The following LRPPRC variants were observed in gnomAD, a reference collection of about 807,000 sequenced individuals.
LRPPRC encodes leucine-rich PPR motif-containing protein, mitochondrial.
Under a neutral mutation model 180.3 loss-of-function variants are expected in LRPPRC, and 120 were observed. The observed-to-expected ratio is 0.67, with a 90% CI of 0.57 to 0.77. The LOEUF is 0.77. Ranked by LOEUF, LRPPRC falls within the 30% of genes least tolerant of loss-of-function variation. LRPPRC has a pLI of 0.00. For synonymous variants in LRPPRC, 723 were observed against 600.0 expected, an observed-to-expected ratio of 1.21 and a Z score of -3.00; for missense variants, 2,012 against 1,657.2, an observed-to-expected ratio of 1.21 and a Z score of -3.72.
At chr2:43,915,228 TCTCTCA>T (rs1306083799) in intron 29 of LRPPRC, among the ~76,000 whole-genome samples, 68 of 63,312 alleles carry the variant, frequency 1.1e-3, no homozygotes, top group East Asian at 5.1e-3. Context: ...TCTCTCTCTC[TCTCTCA>T]CACACACACA....
intron 11 of LRPPRC, among the ~76,000 whole-genome samples, chr2:43,967,042 ATAAC>A (rs1339499381): frequency 2.0e-5 from 3 of 152,042 alleles, no homozygotes; most frequent in Admixed American, 2.0e-4. Context: ...CAGAGCCTCC[ATAAC>A]TAGCTGAGGT....
chr2:43,988,887 TG>T (rs1306143797), intron 1 of LRPPRC, among the ~76,000 whole-genome samples: 1 of 152,138 alleles, frequency 6.6e-6, no homozygotes, highest in Non-Finnish European at 1.5e-5. Flanking sequence ...ATCTTTTTTT[TG>T]AGACAGGGTC....
At chr2:43,913,660 A>C (rs975280462) in intron 29 of LRPPRC, among the ~76,000 whole-genome samples, 2 of 152,196 alleles carry the variant, frequency 1.3e-5, no homozygotes, top group East Asian at 3.8e-4. Flanking sequence ...TAAGGAGAAC[A>C]GTTTGGGCAA....
chr2:43,940,450 T>G (rs1454226218), intron 23 of LRPPRC, among the ~76,000 whole-genome samples: 1 of 152,226 alleles, frequency 6.6e-6, no homozygotes, highest in Non-Finnish European at 1.5e-5. Context: ...ATTGTGACCT[T>G]TATGAACTCA....
chr2:43,930,007 C>CT (rs1672028282), intron 25 of LRPPRC, among the ~76,000 whole-genome samples: 1 of 152,060 alleles, frequency 6.6e-6, no homozygotes, highest in Non-Finnish European at 1.5e-5. Context: ...AATCCACTGT[C>CT]TGTGTATACG....
At position 43,886,734 on chromosome 2, in the gene LRPPRC, C is replaced by G. The variant is rs1476271771; in HGVS notation, c.*1866G>C. The G allele has an allele frequency of 6.6e-6, 1 of 152,158 alleles. No individual in the cohort carries two copies. Among genetic ancestry groups the G allele is most frequent in the Non-Finnish European group, 1.5e-5 (1 of 68,038 alleles). 9.4% of individuals were successfully genotyped at this position (152,158 alleles called of 1,614,324 possible). ...ATCCAGATTACACCCCAACGTTATG[C>G]CTCACCTTGGAGACCTATTCTAATG... On this transcript the variant is annotated 3_prime_UTR_variant, in exon 38 of 38. Transcript: ENST00000260665.
Position 43,888,589 on chromosome 2 carries a change from G to T in LRPPRC, c.*11C>A, listed in dbSNP as rs752744805. ...ACAAATATATACAAAACAAAGTATCGCCTGGTTATTTCAAGAAGAGTTTTC... is the reference window on the plus strand; with the variant it reads ...ACAAATATATACAAAACAAAGTATCTCCTGGTTATTTCAAGAAGAGTTTTC... On this transcript the variant is annotated 3_prime_UTR_variant, in exon 38 of 38. Transcript: ENST00000260665. 2 of 1,518,958 alleles carry T rather than the reference G, an allele frequency of 1.3e-6. No individual in the cohort carries two copies. Among genetic ancestry groups the T allele is most frequent in the South Asian group, 1.1e-5 (1 of 88,984 alleles). 94.1% of individuals were successfully genotyped at this position (1,518,958 alleles called of 1,614,324 possible). A position where few individuals can be genotyped will look rare whatever the true frequency, so the allele number is the denominator to read the frequency against.
In LRPPRC at chr2:43,886,642, G is replaced by A. The variant is rs1226892750; in HGVS notation, c.*1958C>T. 4.6e-5 allele frequency: 7 copies of A among 152,302 alleles called. No individual in the cohort carries two copies. Among genetic ancestry groups the A allele is most frequent in the East Asian group, 1.9e-4 (1 of 5,182 alleles). 9.4% of individuals were successfully genotyped at this position (152,302 alleles called of 1,614,324 possible). A position where few individuals can be genotyped will look rare whatever the true frequency, so the allele number is the denominator to read the frequency against. On this transcript the variant is annotated 3_prime_UTR_variant, in exon 38 of 38. Transcript: ENST00000260665. ...CATTTTACCAGAGTCCATATACAGG[G>A]CCAGTGTGGAGTCACTTCATGCAAA...
At chr2:43,923,995 C>A (rs942862377) in intron 27 of LRPPRC, among the ~76,000 whole-genome samples, 1 of 152,028 alleles carries the variant, frequency 6.6e-6, no homozygotes, top group Non-Finnish European at 1.5e-5. Context: ...ATCGTTCAAG[C>A]CAAAGTCTTA....
intron 14 of LRPPRC, among the ~76,000 whole-genome samples, chr2:43,951,528 A>G (rs1672901166): frequency 6.6e-6 from 1 of 152,230 alleles, no homozygotes; most frequent in Non-Finnish European, 1.5e-5. Flanking sequence ...TAATTTTGTC[A>G]GGTATGATAT....
intron 23 of LRPPRC, among the ~76,000 whole-genome samples, chr2:43,941,219 A>G (rs1460569017): frequency 6.6e-6 from 1 of 152,184 alleles, no homozygotes; most frequent in Non-Finnish European, 1.5e-5. Context: ...GTTTTGTCCA[A>G]TGCTGGAAAA....
chr2:43,945,055 C>A (rs1672628413), intron 22 of LRPPRC, among the ~76,000 whole-genome samples: 1 of 152,028 alleles, frequency 6.6e-6, no homozygotes, highest in African/African-American at 2.4e-5. Context: ...TGCCATAAGT[C>A]ATGATCTTCA....
At chr2:43,970,633 G>C (rs367815622) in intron 11 of LRPPRC, among the ~76,000 whole-genome samples, 20 of 152,138 alleles carry the variant, frequency 1.3e-4, no homozygotes, top group Admixed American at 9.8e-4. Context: ...GATCAATCTA[G>C]AGGAAAGTCT....
intron 3 of LRPPRC, among the ~76,000 whole-genome samples, chr2:43,978,237 T>C (rs1674144949): frequency 6.6e-6 from 1 of 152,156 alleles, no homozygotes; most frequent in Non-Finnish European, 1.5e-5. Context: ...CTCTTGTATC[T>C]TTATAAATCT....
chr2:43,943,453 C>T (rs1326742967), intron 23 of LRPPRC, among the ~76,000 whole-genome samples: 1 of 151,878 alleles, frequency 6.6e-6, no homozygotes, highest in African/African-American at 2.4e-5. Flanking sequence ...TTCAAGTGAT[C>T]ACATGCTCCT....
intron 27 of LRPPRC, among the ~76,000 whole-genome samples, chr2:43,920,001 A>G (rs1277057736): frequency 1.3e-5 from 2 of 151,570 alleles, no homozygotes; most frequent in African/African-American, 4.8e-5. Context: ...GTTTTTTGAT[A>G]ACTAATGACT....
At chr2:43,938,613 C>A (rs1173258097) in intron 23 of LRPPRC, among the ~76,000 whole-genome samples, 1 of 152,104 alleles carries the variant, frequency 6.6e-6, no homozygotes, top group Non-Finnish European at 1.5e-5. Context: ...AAGCTTGAAG[C>A]TCCGATGGCA....
intron 2 of LRPPRC, among the ~76,000 whole-genome samples, chr2:43,981,505 A>G (rs758256478): frequency 1.1e-4 from 17 of 152,080 alleles, no homozygotes; most frequent in Admixed American, 3.3e-4. Flanking sequence ...CTAAAAATAC[A>G]AAAATTAGCT....
chr2:43,969,545 G>C (rs1673712571), intron 11 of LRPPRC, among the ~76,000 whole-genome samples: 1 of 152,090 alleles, frequency 6.6e-6, no homozygotes, highest in African/African-American at 2.4e-5. Context: ...CACCAAAAAG[G>C]ATGATTTTCA....
Sources: gnomAD v4.1 joint callset for allele counts (sites outside exome capture counted in the v4.1 genomes callset) on GRCh38, gnomAD v4.1.1 for gene constraint, MANE v1.5 for transcripts, NCBI Gene and HGNC (gene_info 2026-07-23, HGNC 2026-07-21) for gene names.